GALNT13: variants seen among roughly 807,000 people sequenced by gnomAD.
GALNT13 encodes polypeptide N-acetylgalactosaminyltransferase 13.
Under a neutral mutation model 64.2 loss-of-function variants are expected in GALNT13, and 28 were observed. The ratio of observed to expected loss-of-function variants is 0.44; its 90% CI spans 0.32 to 0.60. GALNT13 has a LOEUF of 0.60. Ranked by LOEUF, GALNT13 falls within the 20% of genes least tolerant of loss-of-function variation. The pLI is 0.05. For synonymous variants in GALNT13, 214 were observed against 224.6 expected (o/e 0.95, Z 0.42); for missense variants, 577 against 669.8 (o/e 0.86, Z 1.53).
the GALNT13 span, among the ~76,000 whole-genome samples, chr2:153,083,278 T>TTCTTTAAGGAATC: frequency 6.6e-6 from 1 of 152,216 alleles, no homozygotes; most frequent in Admixed American, 6.5e-5. Context: ...TTTAAGGAAT[T>TTCTTTAAGGAATC]TCTTTAAGGA....
the GALNT13 span, among the ~76,000 whole-genome samples, chr2:153,768,153 A>G: frequency 6.6e-6 from 1 of 152,192 alleles, no homozygotes; most frequent in East Asian, 1.9e-4. Flanking sequence ...AGTCCAAGAA[A>G]TTATTTGTTA....
the GALNT13 span, among the ~76,000 whole-genome samples, chr2:153,425,501 C>G: frequency 6.6e-6 from 1 of 151,610 alleles, no homozygotes; most frequent in African/African-American, 2.4e-5. Context: ...ATTCAATACA[C>G]AGGAAACTGA....
At chr2:153,611,568 C>T in the GALNT13 span, among the ~76,000 whole-genome samples, 1 of 151,576 alleles carries the variant, frequency 6.6e-6, no homozygotes, top group African/African-American at 2.4e-5. Flanking sequence ...ACCGTGTTGG[C>T]CAGGCTGGTC....
At chr2:153,907,861 A>G (rs868380132) in intron 2 of GALNT13, among the ~76,000 whole-genome samples, 6 of 152,116 alleles carry the variant, frequency 3.9e-5, no homozygotes, top group Admixed American at 6.6e-5. Context: ...TAGTGCTGCA[A>G]TTAACATATG....
At chr2:154,264,949 A>G (rs1690906047) in intron 8 of GALNT13, among the ~76,000 whole-genome samples, 3 of 150,742 alleles carry the variant, frequency 2.0e-5, no homozygotes, top group Admixed American at 2.0e-4. Flanking sequence ...ATAATATTCC[A>G]CATATATGAT....
In GALNT13 at chr2:153,944,605, CAAG is replaced by C. The variant is rs757439470; in HGVS notation, c.112_114del (p.Lys38del). The C allele has an allele frequency of 1.2e-6, 2 of 1,613,294 alleles. No individual in the cohort carries two copies. Among genetic ancestry groups the C allele is most frequent in the Non-Finnish European group, 1.7e-6 (2 of 1,179,486 alleles). On this transcript the variant is annotated inframe_deletion, in exon 3 of 13. Coordinates refer to ENST00000392825, the MANE Select transcript of GALNT13 (RefSeq NM_052917.4). ...TCAGTGAATGTAACAAATGTGATGA[CAAG>C]AAGGAGAGATCTCTGCTGCCTGCAT...
At chr2:153,568,129 C>T in the GALNT13 span, among the ~76,000 whole-genome samples, 1 of 152,300 alleles carries the variant, frequency 6.6e-6, no homozygotes, top group Non-Finnish European at 1.5e-5. Context: ...TGGATTTATT[C>T]TTATAAAGGA....
the GALNT13 span, among the ~76,000 whole-genome samples, chr2:153,835,180 T>A: frequency 2.0e-5 from 3 of 152,040 alleles, no homozygotes; most frequent in African/African-American, 7.2e-5. Context: ...TGGATGGATT[T>A]TTTAAATATA....
the GALNT13 span, among the ~76,000 whole-genome samples, chr2:153,839,844 A>G: frequency 6.6e-6 from 1 of 151,986 alleles, no homozygotes; most frequent in Non-Finnish European, 1.5e-5. Flanking sequence ...AAGACTTAGG[A>G]CTTCAAAACC....
At chr2:153,782,763 C>A in the GALNT13 span, among the ~76,000 whole-genome samples, 3 of 152,174 alleles carry the variant, frequency 2.0e-5, no homozygotes, top group Non-Finnish European at 2.9e-5. Flanking sequence ...CTATCAACAC[C>A]TTGATCATGG....
the GALNT13 span, among the ~76,000 whole-genome samples, chr2:153,671,626 T>G: frequency 2.6e-5 from 4 of 152,146 alleles, no homozygotes; most frequent in African/African-American, 9.7e-5. Flanking sequence ...ATTGACACTA[T>G]GAAGAAACTG....
chr2:154,131,473 T>C (rs1558975721), intron 3 of GALNT13, among the ~76,000 whole-genome samples: 1 of 152,208 alleles, frequency 6.6e-6, no homozygotes, highest in Non-Finnish European at 1.5e-5. Flanking sequence ...CGTATTCCTT[T>C]ATAGGTGCTC....
chr2:154,298,736 TAG>T lies in GALNT13; in HGVS notation c.976-2672_976-2671del, dbSNP rs1442854639. Among the ~76,000 whole-genome samples the T allele has an allele frequency of 8.7e-4, 76 of 87,232 alleles. 7 individuals carry two copies. In the East Asian group the frequency reaches 0.018, roughly 21 times the overall value. 57.2% of individuals were successfully genotyped at this position (87,232 alleles called of 152,430 possible). ...ATATATAAATTATATTATTTATATA[TAG>T]TATATATAAATATATATACTATATA... On this transcript the variant is annotated intron_variant, in intron 8 of 12. Transcript: ENST00000392825.
intron 3 of GALNT13, among the ~76,000 whole-genome samples, chr2:154,065,532 G>T (rs1414412183): frequency 1.3e-5 from 2 of 152,152 alleles, no homozygotes; most frequent in African/African-American, 2.4e-5. Flanking sequence ...GATTCCATTT[G>T]CTTGGTAGAA....
At chr2:154,454,595 A>G (rs707086), downstream of GALNT13, 12,945 of 152,154 alleles carry the variant, frequency 0.085, 761 homozygotes, top group East Asian at 0.22. Context: ...CCTGGGAGGC[A>G]GAGGCTGCAG....
At chr2:153,858,582 C>T in the GALNT13 span, among the ~76,000 whole-genome samples, 1 of 152,196 alleles carries the variant, frequency 6.6e-6, no homozygotes, top group East Asian at 1.9e-4. Context: ...ATTTATATAA[C>T]TTTTATTTCA....
chr2:153,475,702 A>G, the GALNT13 span, among the ~76,000 whole-genome samples: 1 of 152,214 alleles, frequency 6.6e-6, no homozygotes, highest in African/African-American at 2.4e-5. Flanking sequence ...CAAGATTTCT[A>G]CACTCTAGCT....
At chr2:154,130,995 G>T (rs1274866452) in intron 3 of GALNT13, among the ~76,000 whole-genome samples, 1 of 151,924 alleles carries the variant, frequency 6.6e-6, no homozygotes, top group African/African-American at 2.4e-5. Context: ...AATTTTTTTT[G>T]GCAAAATGGG....
the GALNT13 span, among the ~76,000 whole-genome samples, chr2:153,659,372 T>C: frequency 6.6e-6 from 1 of 152,108 alleles, no homozygotes; most frequent in Non-Finnish European, 1.5e-5. Flanking sequence ...CTGCTTTGAG[T>C]AAGACCTCAT....
Sources: allele counts gnomAD v4.1 joint callset (sites outside exome capture counted in the v4.1 genomes callset), GRCh38; gene constraint gnomAD v4.1.1; transcripts MANE v1.5; gene names NCBI Gene and HGNC (gene_info 2026-07-23, HGNC 2026-07-21).